TTC39A: variants seen among roughly 807,000 people sequenced by gnomAD.
TTC39A encodes the protein tetratricopeptide repeat domain 39A, also known as tetratricopeptide repeat protein 39A.
TTC39A carries 46 observed loss-of-function variants against 82.3 expected under a neutral mutation model. The observed-to-expected ratio is 0.56, with a 90% CI of 0.44 to 0.71. TTC39A has a LOEUF of 0.71. Ranked by LOEUF, TTC39A falls within the 30% of genes least tolerant of loss-of-function variation. The pLI, the probability that TTC39A is intolerant of heterozygous loss-of-function variation, is 0.00. For missense variants in TTC39A, 543 were observed against 712.9 expected, an observed-to-expected ratio of 0.76 and a Z score of 2.71; for synonymous variants, 254 against 275.2, an observed-to-expected ratio of 0.92 and a Z score of 0.76.
At chr1:51,338,519 G>A (rs1052235369) in intron 1 of TTC39A, among the ~76,000 whole-genome samples, 6 of 151,932 alleles carry the variant, frequency 3.9e-5, no homozygotes, top group African/African-American at 1.4e-4. Flanking sequence ...GGGGCTTGGA[G>A]GGAGCAGTGG....
chr1:51,339,179 C>A (rs1646007110), intron 1 of TTC39A, among the ~76,000 whole-genome samples: 3 of 152,050 alleles, frequency 2.0e-5, no homozygotes, highest in African/African-American at 7.2e-5. Context: ...CTGCAGGAGG[C>A]AAAACAAATT....
In TTC39A at chr1:51,321,430, T is replaced by C. The variant is rs1406662645; in HGVS notation, c.146+291A>G. On this transcript the variant is annotated intron_variant, in intron 2 of 17. Transcript: ENST00000680483. This position sits in a 1 kb window ranked among gnomAD's most constrained non-coding sequence, Gnocchi z 4.6. The stretch of plus-strand genomic sequence containing the variant: ...TGGGGAAAAATAAACAAAGGAGTCA[T>C]GTGAGAGCTGGTGAGGATGAAACTC... Among the ~76,000 whole-genome samples, 2 of 152,082 alleles carry C rather than the reference T, an allele frequency of 1.3e-5. No individual in the cohort carries two copies. Among genetic ancestry groups the C allele is most frequent in the Non-Finnish European group, 1.5e-5 (1 of 68,024 alleles).
chr1:51,338,768 A>G (rs1646003190), intron 1 of TTC39A, among the ~76,000 whole-genome samples: 1 of 151,696 alleles, frequency 6.6e-6, no homozygotes, highest in Non-Finnish European at 1.5e-5. Flanking sequence ...AAGCCCGGCT[A>G]ATTTTTGTAT....
At position 51,290,614 on chromosome 1, in the gene TTC39A, G is replaced by A; in HGVS notation, c.1278C>T (p.Tyr426=). 1.9e-6 allele frequency: 3 copies of A among 1,613,316 alleles called. No homozygotes were observed. The highest frequency in any genetic ancestry group is 1.3e-5 in the African/African-American group (1 of 75,050). ...SLPVPALEMM[Y]IWNGYAVIGK... ...CAATCACGGCGTAGCCGTTCCAGAT[G>A]TACATCATTTCCTGAAGGCAGGGGG... Residue 426 remains tyrosine (Y), a synonymous_variant, in exon 15 of 18, where the codon TAC becomes TAT. Coordinates refer to ENST00000680483, the MANE Select transcript of TTC39A (RefSeq NM_001297663.2).
intron 1 of TTC39A, chr1:51,329,776 G>C (rs930336184): frequency 2.0e-5 from 3 of 152,526 alleles, no homozygotes; most frequent in Admixed American, 6.5e-5. Context: ...TCTCCCGGCA[G>C]TAGCGGCTGT....
At chr1:51,313,917 C>T (rs1008402754) in intron 2 of TTC39A, among the ~76,000 whole-genome samples, 1 of 152,248 alleles carries the variant, frequency 6.6e-6, no homozygotes, top group Non-Finnish European at 1.5e-5. Context: ...CCTCAAATGC[C>T]TCCCAGACCA....
upstream of TTC39A, among the ~76,000 whole-genome samples, chr1:51,332,856 G>C (rs10082117): frequency 0.05 from 7,658 of 152,222 alleles, 615 homozygotes; most frequent in African/African-American, 0.17. Context: ...ACTTCTTTCT[G>C]ATGGTTCAGT....
At chr1:51,307,656 A>C (rs150410718) in intron 6 of TTC39A, among the ~76,000 whole-genome samples, 2,021 of 150,580 alleles carry the variant, frequency 0.013, 53 homozygotes, top group African/African-American at 0.044. Flanking sequence ...AATCGCTTGA[A>C]TCTGGGAGGC....
intron 12 of TTC39A, chr1:51,301,297 A>G (rs1305569675): frequency 2.8e-6 from 1 of 362,794 alleles, no homozygotes; most frequent in South Asian, 6.0e-5. Flanking sequence ...TGGGCAGTGC[A>G]TAAGTAGAAC....
chr1:51,326,668 C>T (rs1262002251), intron 1 of TTC39A, among the ~76,000 whole-genome samples: 2 of 152,212 alleles, frequency 1.3e-5, no homozygotes, highest in East Asian at 1.9e-4. Flanking sequence ...GGAACGCAGT[C>T]AGGCTCCTCT....
chr1:51,300,919 G>A (rs1644627293), intron 12 of TTC39A: 1 of 152,402 alleles, frequency 6.6e-6, no homozygotes, highest in South Asian at 2.1e-4. Flanking sequence ...GGGAGGATAT[G>A]AGTAGAAGCA....
At chr1:51,314,476 T>C (rs1285485752) in intron 2 of TTC39A, among the ~76,000 whole-genome samples, 1 of 152,176 alleles carries the variant, frequency 6.6e-6, no homozygotes, top group Non-Finnish European at 1.5e-5. Flanking sequence ...GGCTGTTTGG[T>C]TGTGAAATCA....
At chr1:51,314,599 G>A (rs1645213596) in intron 2 of TTC39A, among the ~76,000 whole-genome samples, 1 of 152,224 alleles carries the variant, frequency 6.6e-6, no homozygotes, top group African/African-American at 2.4e-5. Flanking sequence ...AACCAAGGCT[G>A]CTCTACCACT....
chr1:51,302,441 G>C (rs368722691), intron 10 of TTC39A, 25 bp from the exon 11 acceptor site: 2 of 1,606,906 alleles, frequency 1.2e-6, no homozygotes, highest in South Asian at 1.1e-5. Flanking sequence ...ATGTAAGTCC[G>C]TGTGGGTCCG....
intron 2 of TTC39A, among the ~76,000 whole-genome samples, chr1:51,319,015 T>C (rs1003371282): frequency 6.6e-6 from 1 of 152,186 alleles, no homozygotes; most frequent in Non-Finnish European, 1.5e-5. Flanking sequence ...AAAGCCTAGT[T>C]ATGCAGGAAA....
rs958316191 is a variant in TTC39A at position 51,287,373 on chromosome 1, G to C, written c.*784C>G. 6.6e-6 allele frequency: 1 copy of C among 152,154 alleles called. No individual in the cohort carries two copies. The highest frequency in any genetic ancestry group is 1.5e-5 in the Non-Finnish European group (1 of 68,030). The allele number at this position is 152,154 out of a possible 1,614,324, so 9.4% of individuals were successfully genotyped here. A position where few individuals can be genotyped will look rare whatever the true frequency, so the allele number is the denominator to read the frequency against. ...CCCAGTGGTTTCAGTTTGGCATACA[G>C]CAAAGATACAGACTGGATTCTGAGA... On this transcript the variant is annotated 3_prime_UTR_variant, in exon 18 of 18. Transcript: ENST00000680483.
Position 51,306,041 on chromosome 1 carries a change from C to T in TTC39A, c.524G>A (p.Cys175Tyr). The T allele has an allele frequency of 6.2e-7, 1 of 1,613,968 alleles. No homozygotes were observed. Among genetic ancestry groups the T allele is most frequent in the Non-Finnish European group, 8.5e-7 (1 of 1,179,882 alleles). ...AAAGTGCGGGTGGTTCTCACCCTTG[C>T]AGTATTGTGAGGACTGAACAAGGCT... is the stretch of plus-strand genomic sequence containing the variant. ...LDSLVQSSQY[C>Y]KGENHPHFEG... is the part of the protein sequence containing the mutation. Residue 175 changes from cysteine to tyrosine, a missense_variant, in exon 7 of 18, where the codon TGC becomes TAC. Coordinates refer to ENST00000680483, the MANE Select transcript of TTC39A (RefSeq NM_001297663.2).
intron 1 of TTC39A, among the ~76,000 whole-genome samples, chr1:51,329,409 G>A (rs991288011): frequency 4.6e-5 from 7 of 152,132 alleles, no homozygotes; most frequent in African/African-American, 1.7e-4. Context: ...TTAAGGACTT[G>A]GCCAAAGTCA....
chr1:51,305,650 C>T (rs1644840403), intron 7 of TTC39A: 1 of 382,160 alleles, frequency 2.6e-6, no homozygotes, highest in Non-Finnish European at 4.8e-6. Flanking sequence ...GTTTAACCAG[C>T]AGCTCTCCAG....
Sources: allele counts gnomAD v4.1 joint callset (sites outside exome capture counted in the v4.1 genomes callset), GRCh38; gene constraint gnomAD v4.1.1; non-coding constraint Gnocchi (gnomAD v3.1); transcripts MANE v1.5; gene names NCBI Gene and HGNC (gene_info 2026-07-23, HGNC 2026-07-21).